The following MGAT5 variants were observed in gnomAD, a reference collection of about 807,000 sequenced individuals.
The protein encoded by MGAT5 is alpha-1,6-mannosylglycoprotein 6-beta-N-acetylglucosaminyltransferase A.
Under a neutral mutation model 94.3 loss-of-function variants are expected in MGAT5, and 30 were observed. The observed-to-expected ratio is 0.32, with a 90% CI of 0.24 to 0.43. The LOEUF is 0.43. Among genes scored for constraint, MGAT5 ranks in the 20% least tolerant of loss-of-function variants. The pLI, the probability that MGAT5 is intolerant of heterozygous loss-of-function variation, is 1.00. For missense variants in MGAT5, 691 were observed against 905.5 expected, an observed-to-expected ratio of 0.76 and a Z score of 3.04; for synonymous variants, 310 against 322.9, an observed-to-expected ratio of 0.96 and a Z score of 0.43.
intron 2 of MGAT5, among the ~76,000 whole-genome samples, chr2:134,279,448 GAATA>G (rs1207827343): frequency 4.6e-5 from 7 of 152,176 alleles, no homozygotes; most frequent in African/African-American, 1.7e-4. Flanking sequence ...TGCTTTGAAT[GAATA>G]GTTCTTGCAG....
intron 1 of MGAT5, among the ~76,000 whole-genome samples, chr2:134,241,207 G>A (rs1681953709): frequency 6.6e-6 from 1 of 152,248 alleles, no homozygotes; most frequent in African/African-American, 2.4e-5. Context: ...CCAGCAGCCT[G>A]TTCAAGCTGA....
rs11378452 is a variant in MGAT5 at position 134,246,167 on chromosome 2, T to TAAAAAA, written c.-142-8080_-142-8075dup. Among the ~76,000 whole-genome samples the TAAAAAA allele has an allele frequency of 3.1e-5, 4 of 130,526 alleles. 1 individual carries two copies. The highest frequency in any genetic ancestry group is 4.8e-5 in the Non-Finnish European group (3 of 61,926). The allele number at this position is 130,526 out of a possible 152,430, so 85.6% of individuals were successfully genotyped here. A position where few individuals can be genotyped will look rare whatever the true frequency, so the allele number is the denominator to read the frequency against. The stretch of plus-strand genomic sequence containing the variant: ...ATTTAGAATGTGTTTTTCCTGTTTA[T>TAAAAAA]AAAAAAAAAAAAAAAAAAAAGGACC... On this transcript the variant is annotated intron_variant, in intron 1 of 16. Coordinates refer to the MGAT5 transcript ENST00000409645.
At chr2:134,323,298 G>T (rs1442114057) in intron 4 of MGAT5, among the ~76,000 whole-genome samples, 1 of 152,102 alleles carries the variant, frequency 6.6e-6, no homozygotes, top group Non-Finnish European at 1.5e-5. Flanking sequence ...TTAGAGGTGG[G>T]ACTTTGGGGC....
At chr2:134,250,237 T>C (rs1165647629), upstream of MGAT5, among the ~76,000 whole-genome samples, 1 of 152,222 alleles carries the variant, frequency 6.6e-6, no homozygotes, top group Non-Finnish European at 1.5e-5. Flanking sequence ...AACTTTTTTC[T>C]GGAAGTGAAT....
At chr2:134,443,697 A>G (rs1005792958) in intron 15 of MGAT5, among the ~76,000 whole-genome samples, 15 of 152,324 alleles carry the variant, frequency 9.8e-5, no homozygotes, top group African/African-American at 3.4e-4. Flanking sequence ...CCAGTTCCAC[A>G]GCGCAAATCT....
chr2:134,270,209 G>A (rs1683945435), intron 1 of MGAT5, among the ~76,000 whole-genome samples, 177 bp from the exon 2 acceptor site: 1 of 152,252 alleles, frequency 6.6e-6, no homozygotes, highest in Non-Finnish European at 1.5e-5. Flanking sequence ...GATGTATTTA[G>A]TAGGATCTGG....
At chr2:134,189,602 G>GTTTTGTTTTGTTTTGTT (rs1553490380) in intron 1 of MGAT5, among the ~76,000 whole-genome samples, 3,446 of 84,814 alleles carry the variant, frequency 0.041, 238 homozygotes, top group African/African-American at 0.087. Flanking sequence ...GTTTTTTTTT[G>GTTTTGTTTTGTTTTGTT]TTTTTTTTTT....
chr2:134,225,858 T>C (rs1235368628), intron 1 of MGAT5, among the ~76,000 whole-genome samples: 2 of 152,238 alleles, frequency 1.3e-5, no homozygotes, highest in Non-Finnish European at 2.9e-5. Context: ...TGCTGGGGTG[T>C]CACTAACAGT....
At chr2:134,355,273 G>A (rs1004458654) in intron 9 of MGAT5, among the ~76,000 whole-genome samples, 2 of 152,258 alleles carry the variant, frequency 1.3e-5, no homozygotes, top group Middle Eastern at 3.4e-3. Context: ...TTTCACAAGT[G>A]TAGTTTTACA....
chr2:134,166,360 C>A (rs1687965019), intron 1 of MGAT5, among the ~76,000 whole-genome samples: 1 of 152,334 alleles, frequency 6.6e-6, no homozygotes, highest in African/African-American at 2.4e-5. Context: ...CTTTTATTCT[C>A]TTCCTCTCCC....
At chr2:134,338,727 C>T (rs539738227) in intron 6 of MGAT5, among the ~76,000 whole-genome samples, 11 of 152,258 alleles carry the variant, frequency 7.2e-5, no homozygotes, top group Non-Finnish European at 1.6e-4. Flanking sequence ...CTGAATCCAA[C>T]CTTCGAGAGC....
chr2:134,352,166 G>T (rs907138972), intron 9 of MGAT5, among the ~76,000 whole-genome samples: 1 of 152,150 alleles, frequency 6.6e-6, no homozygotes, highest in Non-Finnish European at 1.5e-5. Context: ...AACCGCCTCT[G>T]CATTTTCTTT....
chr2:134,164,121 A>G (rs1687860487), intron 1 of MGAT5, among the ~76,000 whole-genome samples: 2 of 152,174 alleles, frequency 1.3e-5, no homozygotes, highest in Non-Finnish European at 2.9e-5. Flanking sequence ...AGTAACCAGT[A>G]TTGTATTCTA....
chr2:134,256,927 A>G (rs1683000320), intron 1 of MGAT5, among the ~76,000 whole-genome samples: 1 of 152,138 alleles, frequency 6.6e-6, no homozygotes, highest in African/African-American at 2.4e-5. Context: ...ACTTGTATGT[A>G]TGTGCTTGAG....
chr2:134,407,588 C>G (rs1374735668), intron 11 of MGAT5, among the ~76,000 whole-genome samples: 1 of 152,116 alleles, frequency 6.6e-6, no homozygotes, highest in Non-Finnish European at 1.5e-5. Flanking sequence ...CTGTTTCATC[C>G]AGCAAGTAAG....
At chr2:134,394,080 C>T (rs1435992089) in intron 10 of MGAT5, among the ~76,000 whole-genome samples, 1 of 152,126 alleles carries the variant, frequency 6.6e-6, no homozygotes, top group Non-Finnish European at 1.5e-5. Flanking sequence ...TTTCTGGTTT[C>T]CCAATGAAAC....
intron 1 of MGAT5, among the ~76,000 whole-genome samples, chr2:134,266,333 G>A (rs1369403589): frequency 1.3e-5 from 2 of 152,078 alleles, no homozygotes; most frequent in Admixed American, 1.3e-4. Flanking sequence ...CGATTCTCCT[G>A]CCTCAGCTTT....
chr2:134,232,206 C>T (rs1681406002), intron 1 of MGAT5, among the ~76,000 whole-genome samples: 1 of 152,132 alleles, frequency 6.6e-6, no homozygotes, highest in Non-Finnish European at 1.5e-5. Flanking sequence ...CTGCCACTAC[C>T]CTGTTCAGGC....
chr2:134,237,123 A>ATGTGTATGTGTGTGTGTGTGTGTG (rs367744090), intron 1 of MGAT5, among the ~76,000 whole-genome samples: 5 of 140,626 alleles, frequency 3.6e-5, no homozygotes, highest in African/African-American at 1.0e-4. Flanking sequence ...GAAGGAGTAT[A>ATGTGTATGTGTGTGTGTGTGTGTG]TGTGTGTGTG....
Sources: allele counts gnomAD v4.1 joint callset (sites outside exome capture counted in the v4.1 genomes callset), GRCh38; gene constraint gnomAD v4.1.1; transcripts MANE v1.5; gene names NCBI Gene and HGNC (gene_info 2026-07-23, HGNC 2026-07-21).